Variants in TMEM245 observed in about 807,000 individuals in gnomAD.
The protein encoded by TMEM245 is transmembrane protein 245, also known as protein CG-2.
Under a neutral mutation model 101.2 loss-of-function variants are expected in TMEM245, and 69 were observed. The observed-to-expected ratio is 0.68, with a 90% CI of 0.56 to 0.83. TMEM245 has a LOEUF of 0.83. TMEM245 is among the 40% of genes least tolerant of loss of function. The probability of loss-of-function intolerance (pLI) is 0.00; values close to 1 mark genes in which losing one functional copy is unlikely to be tolerated. For synonymous variants in TMEM245, 537 were observed against 449.8 expected (o/e 1.19, Z -2.45); for missense variants, 1,075 against 1,092.8 (o/e 0.98, Z 0.23).
rs1827495704 is a variant in TMEM245 at position 109,017,880 on chromosome 9, G to T, written c.*2580C>A. On this transcript the variant is annotated 3_prime_UTR_variant, in exon 18 of 18. Transcript: ENST00000374586. ...AATCATGCTGGAATGCTTCTTTCTGGCTCGGAGGGTTCCAAGACCTCCCCA... is the reference window on the plus strand; with the variant it reads ...AATCATGCTGGAATGCTTCTTTCTGTCTCGGAGGGTTCCAAGACCTCCCCA... 2 of 152,210 alleles carry T rather than the reference G, an allele frequency of 1.3e-5. No individual in the cohort carries two copies. Among genetic ancestry groups the T allele is most frequent in the South Asian group, 4.2e-4 (2 of 4,818 alleles). The allele number at this position is 152,210 out of a possible 1,614,324, so 9.4% of individuals were successfully genotyped here. A position where few individuals can be genotyped will look rare whatever the true frequency, so the allele number is the denominator to read the frequency against.
chr9:109,059,573 T>G (rs1828945172), intron 11 of TMEM245, among the ~76,000 whole-genome samples: 1 of 151,992 alleles, frequency 6.6e-6, no homozygotes, highest in Non-Finnish European at 1.5e-5. Context: ...TCCCAGCTAC[T>G]CAGGAGGCTG....
intron 8 of TMEM245, among the ~76,000 whole-genome samples, chr9:109,078,261 A>T (rs1050220698): frequency 9.9e-5 from 15 of 152,204 alleles, no homozygotes; most frequent in Admixed American, 9.2e-4. Flanking sequence ...AGGCCACAAC[A>T]GTATTTCTAT....
At position 109,091,071 on chromosome 9, in the gene TMEM245, G is replaced by A. The variant is rs1463847552; in HGVS notation, c.1001C>T (p.Thr334Ile). Residue 334 changes from threonine (T) to isoleucine (I), a missense_variant, in exon 5 of 18, where the codon ACT (threonine) becomes ATT (isoleucine). By Grantham distance (89) the Thr-to-Ile change is moderately conservative (BLOSUM62 -1). This residue lies in a region of TMEM245 where 808 missense variants were observed against 741.5 expected (regional missense o/e 1.09). Coordinates refer to ENST00000374586, the MANE Select transcript of TMEM245 (RefSeq NM_032012.4). The part of the protein sequence containing the change: ...SSPSPTSPSP[T>I]LGRRRPEIGT... ...TATTTCAGGCCTTCGTCTGCCCAGAGTAGGTGAAGGGGAAGTGGGTGAAGG... is the reference window on the plus strand; with the variant it reads ...TATTTCAGGCCTTCGTCTGCCCAGAATAGGTGAAGGGGAAGTGGGTGAAGG... 1 of 1,614,170 alleles carries A rather than the reference G, an allele frequency of 6.2e-7. No homozygotes were observed. Among genetic ancestry groups the A allele is most frequent in the South Asian group, 1.1e-5 (1 of 91,076 alleles).
At chr9:109,053,552 C>T (rs189903520) in intron 12 of TMEM245, among the ~76,000 whole-genome samples, 23 of 152,234 alleles carry the variant, frequency 1.5e-4, no homozygotes, top group African/African-American at 5.5e-4. Context: ...ATGAAACATA[C>T]AAAAAGCCCA....
chr9:109,049,910 C>T (rs944004638), intron 14 of TMEM245, among the ~76,000 whole-genome samples: 9 of 152,190 alleles, frequency 5.9e-5, no homozygotes, highest in Non-Finnish European at 1.3e-4. Flanking sequence ...TGGCCTCAGC[C>T]TCCCAAGTAG....
At chr9:109,039,710 A>C in intron 14 of TMEM245, among the ~76,000 whole-genome samples, 1 of 152,206 alleles carries the variant, frequency 6.6e-6, no homozygotes, top group Middle Eastern at 3.2e-3. Context: ...ACCTAAAGAC[A>C]AAGAAATACC....
intron 1 of TMEM245, among the ~76,000 whole-genome samples, chr9:109,109,507 T>G (rs1434410007): frequency 6.6e-6 from 1 of 151,362 alleles, no homozygotes; most frequent in Non-Finnish European, 1.5e-5. Context: ...AAAAAAGAAC[T>G]GATGGGATTA....
chr9:109,038,626 T>C (rs1828210530), intron 14 of TMEM245: 1 of 152,414 alleles, frequency 6.6e-6, no homozygotes, highest in African/African-American at 2.4e-5. Context: ...CTATGTTTCT[T>C]AAACTATGTA....
intron 9 of TMEM245, 45 bp from the exon 10 acceptor site, chr9:109,064,612 G>A: frequency 6.6e-7 from 1 of 1,524,894 alleles, no homozygotes; most frequent in Non-Finnish European, 9.0e-7. Flanking sequence ...CACTTTCTGT[G>A]TAGTGTACCA....
At chr9:109,097,425 C>G (rs1171989070) in intron 3 of TMEM245, among the ~76,000 whole-genome samples, 1 of 152,148 alleles carries the variant, frequency 6.6e-6, no homozygotes, top group Non-Finnish European at 1.5e-5. Flanking sequence ...CTCACATTTG[C>G]TATGAGGAAG....
chr9:109,061,123 C>A (rs1452748858), intron 10 of TMEM245, among the ~76,000 whole-genome samples: 2 of 152,116 alleles, frequency 1.3e-5, no homozygotes, highest in African/African-American at 4.8e-5. Context: ...TGAGATCAGC[C>A]TGAGCAACAT....
At chr9:109,072,194 A>G (rs1401861325) in intron 9 of TMEM245, among the ~76,000 whole-genome samples, 1 of 152,198 alleles carries the variant, frequency 6.6e-6, no homozygotes, top group African/African-American at 2.4e-5. Flanking sequence ...TCATGTTCCC[A>G]TACTCAGAGC....
At chr9:109,087,108 GA>G in intron 6 of TMEM245, 64 bp downstream of exon 6, 2 of 1,433,548 alleles carry the variant, frequency 1.4e-6, no homozygotes, top group Non-Finnish European at 1.9e-6. Flanking sequence ...CCATAGAATG[GA>G]AAAGTTCAAA....
rs1355836031 is a variant in TMEM245 at position 109,019,985 on chromosome 9, T to C, written c.*475A>G. 6.5e-6 allele frequency: 1 copy of C among 153,440 alleles called. No individual in the cohort carries two copies. The highest frequency in any genetic ancestry group is 2.4e-5 in the African/African-American group (1 of 41,462). The allele number at this position is 153,440 out of a possible 1,614,324, so 9.5% of individuals were successfully genotyped here. A position where few individuals can be genotyped will look rare whatever the true frequency, so the allele number is the denominator to read the frequency against. ...TAGAAGATTCATTTTTCCTGCTCACTCAACTACACACTCAAAAGTGAAAGC... is the reference window on the plus strand; with the variant it reads ...TAGAAGATTCATTTTTCCTGCTCACCCAACTACACACTCAAAAGTGAAAGC... On this transcript the variant is annotated 3_prime_UTR_variant, in exon 18 of 18. Coordinates refer to ENST00000374586, the MANE Select transcript of TMEM245 (RefSeq NM_032012.4).
At chr9:109,104,665 T>C (rs900278486) in intron 3 of TMEM245, among the ~76,000 whole-genome samples, 3 of 152,218 alleles carry the variant, frequency 2.0e-5, no homozygotes, top group Non-Finnish European at 2.9e-5. Context: ...CAAAAGAATG[T>C]GTTAACTGAC....
intron 10 of TMEM245, among the ~76,000 whole-genome samples, chr9:109,061,373 T>C (rs1002749903): frequency 6.6e-6 from 1 of 152,202 alleles, no homozygotes; most frequent in African/African-American, 2.4e-5. Flanking sequence ...ACTTCCTTAA[T>C]ACAATTGTTT....
chr9:109,111,233 T>TA (rs1830558996), intron 1 of TMEM245, among the ~76,000 whole-genome samples: 1 of 152,118 alleles, frequency 6.6e-6, no homozygotes, highest in African/African-American at 2.4e-5. Context: ...CACAGCTCAG[T>TA]AAAAGGACAG....
chr9:109,099,121 G>A (rs933613583), intron 3 of TMEM245, among the ~76,000 whole-genome samples: 11 of 152,158 alleles, frequency 7.2e-5, no homozygotes, highest in Non-Finnish European at 1.5e-4. Context: ...CACCTCCCCA[G>A]CCTGCAAAGT....
intron 9 of TMEM245, among the ~76,000 whole-genome samples, chr9:109,072,949 T>C (rs1302480386): frequency 6.6e-6 from 1 of 152,230 alleles, no homozygotes; most frequent in Non-Finnish European, 1.5e-5. Context: ...GCAGTGGTTA[T>C]AAATGACTCT....
Sources: gnomAD v4.1 joint callset for allele counts (sites outside exome capture counted in the v4.1 genomes callset) on GRCh38, gnomAD v4.1.1 for gene constraint, gnomAD v4.1.1 regional missense constraint, MANE v1.5 for transcripts, NCBI Gene and HGNC (gene_info 2026-07-23, HGNC 2026-07-21) for gene names.